The following FOXRED1 variants were observed in gnomAD, a reference collection of about 807,000 sequenced individuals.
FOXRED1 encodes the protein FAD dependent oxidoreductase domain containing 1.
A neutral mutation model predicts 57.8 loss-of-function variants in FOXRED1; 52 were observed. That is an observed-to-expected ratio of 0.90 (90% CI 0.72 to 1.13). The LOEUF is 1.13. Ranked by LOEUF, FOXRED1 falls within the 50% of genes most tolerant of loss-of-function variation. FOXRED1 has a pLI of 0.00. For missense variants in FOXRED1, 589 were observed against 625.2 expected, an observed-to-expected ratio of 0.94 and a Z score of 0.62; for synonymous variants, 271 against 248.3, an observed-to-expected ratio of 1.09 and a Z score of -0.86.
At position 126,272,931 on chromosome 11, in the gene FOXRED1, G is replaced by A. The variant is rs375883538; in HGVS notation, c.307-38G>A. ...GCAGTATTCTAGTCACATGTGATAG[G>A]GTACTGGTCTACCTCAACTTTTCTT... On this transcript the variant is annotated intron_variant, in intron 2 of 10. Coordinates refer to ENST00000263578, the MANE Select transcript of FOXRED1 (RefSeq NM_017547.4). The surrounding 1 kb of genome is among the most constrained non-coding windows in gnomAD (Gnocchi z 4.6). 867 of 958,830 alleles carry A rather than the reference G, an allele frequency of 9.0e-4. 14 individuals are homozygous for A. The South Asian group carries it at 9.7e-3, about 11-fold the overall frequency. The allele number at this position is 958,830 out of a possible 1,614,324, so 59.4% of individuals were successfully genotyped here.
Position 126,276,488 on chromosome 11 carries a change from G to A in FOXRED1, c.1066G>A (p.Gly356Ser). The A allele has an allele frequency of 6.2e-7, 1 of 1,609,020 alleles. No homozygotes were observed. The highest frequency in any genetic ancestry group is 8.5e-7 in the Non-Finnish European group (1 of 1,177,772). Residue 356 changes from glycine to serine, a missense_variant, in exon 9 of 11, where the codon GGT becomes AGT. Coordinates refer to ENST00000263578, the MANE Select transcript of FOXRED1 (RefSeq NM_017547.4). Reference sequence around the variant, plus strand: ...AGCCTATTTTCGCCGGGAAGGATTAGGTAGCAACTACCTAGGTGGTCGTAG... The same window carrying A: ...AGCCTATTTTCGCCGGGAAGGATTAAGTAGCAACTACCTAGGTGGTCGTAG... Reference protein sequence around the residue: ...SGAYFRREGLGSNYLGGRSPT... With the variant: ...SGAYFRREGLSSNYLGGRSPT...
In FOXRED1 at chr11:126,271,727, C is replaced by T. The variant is rs553555508; in HGVS notation, c.306+70C>T. 15 of 1,256,248 alleles carry T rather than the reference C, an allele frequency of 1.2e-5. No individual in the cohort carries two copies. The highest frequency in any genetic ancestry group is 2.9e-5 in the African/African-American group (2 of 68,158). 77.8% of individuals were successfully genotyped at this position (1,256,248 alleles called of 1,614,324 possible). A position where few individuals can be genotyped will look rare whatever the true frequency, so the allele number is the denominator to read the frequency against. On this transcript the variant is annotated intron_variant, in intron 2 of 10. Transcript: ENST00000263578. The surrounding 1 kb of genome is among the most constrained non-coding windows in gnomAD (Gnocchi z 5.3). Reference sequence around the variant, plus strand: ...TGACTCATTTTATTAAGGACTCTAGCGACAAGGGAAGGAGAGGAGGGGAAG... The same window carrying T: ...TGACTCATTTTATTAAGGACTCTAGTGACAAGGGAAGGAGAGGAGGGGAAG...
chr11:126,272,976 AG>A lies in FOXRED1; in HGVS notation c.316del (p.Ala106ProfsTer7). The A allele has an allele frequency of 6.5e-7, 1 of 1,544,130 alleles. No homozygotes were observed. The highest frequency in any genetic ancestry group is 9.0e-7 in the Non-Finnish European group (1 of 1,116,000). On this transcript the variant is annotated frameshift_variant, in exon 3 of 11. Transcript: ENST00000263578. LOFTEE classifies it high-confidence loss of function. This position sits in a 1 kb window ranked among gnomAD's most constrained non-coding sequence, Gnocchi z 4.6. ...TTTCTTGTCTTTCCACAGTATTCACAGGCCTCCACTGGGCTCTCAGTAGGTG... is the reference window on the plus strand; with the variant it reads ...TTTCTTGTCTTTCCACAGTATTCACAGCCTCCACTGGGCTCTCAGTAGGTG... The part of the protein sequence containing the change: ...LVVERDHTYS[Q>X]ASTGLSVGGI...
chr11:126,275,092 G>A lies in FOXRED1; in HGVS notation c.631+71G>A, dbSNP rs528167809. 2.9e-6 allele frequency: 3 copies of A among 1,050,782 alleles called. No homozygotes were observed. The highest frequency in any genetic ancestry group is 3.5e-5 in the Admixed American group (2 of 56,456). 65.1% of individuals were successfully genotyped at this position (1,050,782 alleles called of 1,614,324 possible). On this transcript the variant is annotated intron_variant, in intron 5 of 10. Transcript: ENST00000263578. The surrounding 1 kb of genome is among the most constrained non-coding windows in gnomAD (Gnocchi z 5.9). ...GACTAAGGGGTGCTACACGTTGGGA[G>A]TCTCGGTACTCCACAGCCAAGCTGA... is the stretch of plus-strand genomic sequence containing the variant.
intron 7 of FOXRED1, 28 bp from the exon 8 acceptor site, chr11:126,276,031 C>T: frequency 6.2e-7 from 1 of 1,612,894 alleles, no homozygotes. Context: ...TCCGGGCCTT[C>T]CCACTCCTCA....
At position 126,273,554 on chromosome 11, in the gene FOXRED1, A is replaced by T; in HGVS notation, c.536+100A>T. 1 of 822,874 alleles carries T rather than the reference A, an allele frequency of 1.2e-6. No individual in the cohort carries two copies. The highest frequency in any genetic ancestry group is 1.3e-5 in the South Asian group (1 of 74,714). 51.0% of individuals were successfully genotyped at this position (822,874 alleles called of 1,614,324 possible). A position where few individuals can be genotyped will look rare whatever the true frequency, so the allele number is the denominator to read the frequency against. On this transcript the variant is annotated intron_variant, in intron 4 of 10. Transcript: ENST00000263578. This position sits in a 1 kb window ranked among gnomAD's most constrained non-coding sequence, Gnocchi z 5.9. ...CGAGAAAGTGGAGTTGATAAGACAG[A>T]TCCCTGCGGTCTAGGACCTCAGTGT...
At position 126,275,661 on chromosome 11, in the gene FOXRED1, C is replaced by G; in HGVS notation, c.734-133C>G. On this transcript the variant is annotated intron_variant, in intron 6 of 10. Coordinates refer to ENST00000263578, the MANE Select transcript of FOXRED1 (RefSeq NM_017547.4). This position sits in a 1 kb window ranked among gnomAD's most constrained non-coding sequence, Gnocchi z 5.9. Reference sequence around the variant, plus strand: ...GTGGCCAAGCTCATGCCAGCTCCCTCATCTCTGTTTGCTTCAGTGTCTGTG... The same window carrying G: ...GTGGCCAAGCTCATGCCAGCTCCCTGATCTCTGTTTGCTTCAGTGTCTGTG... 1 of 747,480 alleles carries G rather than the reference C, an allele frequency of 1.3e-6. No homozygotes were observed. Among genetic ancestry groups the G allele is most frequent in the Non-Finnish European group, 2.4e-6 (1 of 422,722 alleles). 46.3% of individuals were successfully genotyped at this position (747,480 alleles called of 1,614,324 possible). A position where few individuals can be genotyped will look rare whatever the true frequency, so the allele number is the denominator to read the frequency against.
rs556261091 is a variant in FOXRED1 at position 126,272,998 on chromosome 11, A to G, written c.336A>G (p.Val112=). The change falls in exon 3 of 11, where the codon GTA becomes GTG. Residue 112 remains valine (V), a synonymous_variant. Transcript: ENST00000263578. This position sits in a 1 kb window ranked among gnomAD's most constrained non-coding sequence, Gnocchi z 4.6. ...CACAGGCCTCCACTGGGCTCTCAGT[A>G]GGTGGGATTTGTCAGCAGTTCTCAT... is the stretch of plus-strand genomic sequence containing the variant. ...TYSQASTGLS[V]GGICQQFSLP... 1.2e-5 allele frequency: 20 copies of G among 1,603,478 alleles called. No homozygotes were observed. Among genetic ancestry groups the G allele is most frequent in the African/African-American group, 2.7e-5 (2 of 74,852 alleles).
At chr11:126,276,368 G>C (rs1404995244) in intron 8 of FOXRED1, 26 bp from the exon 9 acceptor site, 2 of 1,207,818 alleles carry the variant, frequency 1.7e-6, no homozygotes, top group Non-Finnish European at 1.1e-6. Context: ...TGTTTCTGCA[G>C]TTCGTAACCG....
At chr11:126,276,659 T>C in intron 9 of FOXRED1, 136 bp downstream of exon 9, 1 of 910,936 alleles carries the variant, frequency 1.1e-6, no homozygotes, top group Non-Finnish European at 1.7e-6. Flanking sequence ...GTGGATCACC[T>C]GAGGTTAGGA....
chr11:126,275,226 C>A lies in FOXRED1; in HGVS notation c.632-101C>A. 1.0e-6 allele frequency: 1 copy of A among 971,094 alleles called. No individual in the cohort carries two copies. The highest frequency in any genetic ancestry group is 2.4e-5 in the East Asian group (1 of 41,136). 60.2% of individuals were successfully genotyped at this position (971,094 alleles called of 1,614,324 possible). A position where few individuals can be genotyped will look rare whatever the true frequency, so the allele number is the denominator to read the frequency against. ...GTTCAGTTGGTTAAGATGACCTTCC[C>A]CGGCTTACAAGCCCTAGAGAGGGGT... On this transcript the variant is annotated intron_variant, in intron 5 of 10. Coordinates refer to ENST00000263578, the MANE Select transcript of FOXRED1 (RefSeq NM_017547.4). This position sits in a 1 kb window ranked among gnomAD's most constrained non-coding sequence, Gnocchi z 5.9.
rs2135263030 is a variant in FOXRED1 at position 126,274,722 on chromosome 11, G to A, written c.537-205G>A. On this transcript the variant is annotated intron_variant, in intron 4 of 10. Transcript: ENST00000263578. The surrounding 1 kb of genome is among the most constrained non-coding windows in gnomAD (Gnocchi z 4.8). ...GTGCTGAAGGGAGACAAGGGAGTAG[G>A]GAAGGAAAGGCAGTCAAGGCTGAAG... The A allele has an allele frequency of 1.6e-6, 1 of 624,210 alleles. No homozygotes were observed. Among genetic ancestry groups the A allele is most frequent in the Non-Finnish European group, 2.9e-6 (1 of 342,114 alleles). The allele number at this position is 624,210 out of a possible 1,614,324, so 38.7% of individuals were successfully genotyped here. A position where few individuals can be genotyped will look rare whatever the true frequency, so the allele number is the denominator to read the frequency against.
In FOXRED1 at chr11:126,274,113, C is replaced by T. The variant is rs1328240442; in HGVS notation, c.536+659C>T. The T allele has an allele frequency of 6.4e-6, 1 of 157,468 alleles. No individual in the cohort carries two copies. The highest frequency in any genetic ancestry group is 1.4e-5 in the Non-Finnish European group (1 of 71,078). The allele number at this position is 157,468 out of a possible 1,614,324, so 9.8% of individuals were successfully genotyped here. ...ATATTAACTCATTTAATCATCAGAA[C>T]ATCCCCATTTTACATATGAGGAAAC... On this transcript the variant is annotated intron_variant, in intron 4 of 10. Transcript: ENST00000263578. This position sits in a 1 kb window ranked among gnomAD's most constrained non-coding sequence, Gnocchi z 4.8.
chr11:126,276,328 GACA>G (rs1951139763), intron 8 of FOXRED1, 63 bp from the exon 9 acceptor site: 1 of 668,840 alleles, frequency 1.5e-6, no homozygotes, highest in Non-Finnish European at 2.0e-6. Context: ...GTGTGGGGTG[GACA>G]GGGTTGGGGA....
At position 126,272,096 on chromosome 11, in the gene FOXRED1, A is replaced by C. The variant is rs980516848; in HGVS notation, c.306+439A>C. On this transcript the variant is annotated intron_variant, in intron 2 of 10. Transcript: ENST00000263578. The surrounding 1 kb of genome is among the most constrained non-coding windows in gnomAD (Gnocchi z 4.6). ...CCCACCTCCGCCCCCTGAGTAGCTG[A>C]GATTACAGGGACACACCCTGATGCC... Among the ~76,000 whole-genome samples the C allele has an allele frequency of 7.9e-5, 12 of 151,258 alleles. No homozygotes were observed. Among genetic ancestry groups the C allele is most frequent in the African/African-American group, 2.7e-4 (11 of 41,126 alleles).
At chr11:126,276,735 G>T (rs1199902710) in intron 9 of FOXRED1, among the ~76,000 whole-genome samples, 1 of 151,862 alleles carries the variant, frequency 6.6e-6, no homozygotes, top group Non-Finnish European at 1.5e-5. Flanking sequence ...ACTTAGCTGG[G>T]CGTGGTGCTG....
At position 126,275,981 on chromosome 11, in the gene FOXRED1, C is replaced by T; in HGVS notation, c.811-78C>T. On this transcript the variant is annotated intron_variant, in intron 7 of 10. Coordinates refer to ENST00000263578, the MANE Select transcript of FOXRED1 (RefSeq NM_017547.4). The surrounding 1 kb of genome is among the most constrained non-coding windows in gnomAD (Gnocchi z 5.9). ...ACTTTCCAGTATGGGTAAACTAAGG[C>T]TCAGGAAGCAGTGCATCTCTCAGGG... 6.3e-7 allele frequency: 1 copy of T among 1,591,878 alleles called. No individual in the cohort carries two copies. The highest frequency in any genetic ancestry group is 8.6e-7 in the Non-Finnish European group (1 of 1,160,496).
rs896457181 is a variant in FOXRED1 at position 126,277,276 on chromosome 11, C to A, written c.1206+101C>A. 3 of 1,175,938 alleles carry A rather than the reference C, an allele frequency of 2.6e-6. No individual in the cohort carries two copies. The highest frequency in any genetic ancestry group is 3.8e-6 in the Non-Finnish European group (3 of 783,682). 72.8% of individuals were successfully genotyped at this position (1,175,938 alleles called of 1,614,324 possible). ...CCCTCGGACCCGTGACTGCCGTAGT[C>A]CCTCCATGTCACAACTGCTAAGGAA... On this transcript the variant is annotated intron_variant, in intron 10 of 10. Coordinates refer to ENST00000263578, the MANE Select transcript of FOXRED1 (RefSeq NM_017547.4). The surrounding 1 kb of genome is among the most constrained non-coding windows in gnomAD (Gnocchi z 6.8).
intron 9 of FOXRED1, 120 bp downstream of exon 9, chr11:126,276,643 A>T (rs1951156917): frequency 1.9e-6 from 2 of 1,076,012 alleles, no homozygotes; most frequent in Admixed American, 1.9e-5. Context: ...TGGGAGGCCA[A>T]GGCAGGTGGA....
Sources: allele counts gnomAD v4.1 joint callset (sites outside exome capture counted in the v4.1 genomes callset), GRCh38; gene constraint gnomAD v4.1.1; non-coding constraint Gnocchi (gnomAD v3.1); transcripts MANE v1.5; gene names NCBI Gene and HGNC (gene_info 2026-07-23, HGNC 2026-07-21).